MCC: variants seen among roughly 807,000 people sequenced by gnomAD.
MCC encodes the protein MCC regulator of Wnt signaling pathway, also known as colorectal mutant cancer protein.
Under a neutral mutation model 116.2 loss-of-function variants are expected in MCC, and 90 were observed. The observed-to-expected ratio is 0.77, with a 90% CI of 0.65 to 0.92. MCC has a LOEUF of 0.92. Among genes scored for constraint, MCC ranks in the 40% least tolerant of loss-of-function variants. The pLI is 0.00. For synonymous variants in MCC, 578 were observed against 510.5 expected (o/e 1.13, Z -1.78); for missense variants, 1,516 against 1,312.2 (o/e 1.16, Z -2.40).
At chr5:113,178,730 C>T (rs1761462703) in intron 3 of MCC, among the ~76,000 whole-genome samples, 1 of 152,144 alleles carries the variant, frequency 6.6e-6, no homozygotes, top group African/African-American at 2.4e-5. Flanking sequence ...CTTCCACTGT[C>T]AAAGAATAAT....
At chr5:113,147,042 T>C (rs1581157126) in intron 4 of MCC, among the ~76,000 whole-genome samples, 1 of 152,236 alleles carries the variant, frequency 6.6e-6, no homozygotes, top group Non-Finnish European at 1.5e-5. Flanking sequence ...ACATTGGATA[T>C]GACGAAATTT....
intron 3 of MCC, among the ~76,000 whole-genome samples, chr5:113,188,411 G>T (rs921743292): frequency 2.2e-4 from 34 of 152,320 alleles, no homozygotes; most frequent in African/African-American, 8.2e-4. Flanking sequence ...ACAACTCACA[G>T]TTAGAATTTA....
chr5:113,084,290 C>T (rs778993031), intron 9 of MCC, 100 bp from the exon 10 acceptor site: 3 of 903,286 alleles, frequency 3.3e-6, no homozygotes, highest in Non-Finnish European at 5.3e-6. Flanking sequence ...GCCATGTCAA[C>T]TAAATGATTA....
chr5:113,227,169 TAACA>T (rs1763772181), intron 3 of MCC, among the ~76,000 whole-genome samples: 1 of 152,200 alleles, frequency 6.6e-6, no homozygotes, highest in Admixed American at 6.5e-5. Flanking sequence ...CTTAAATGGT[TAACA>T]AAAATTGCCC....
At chr5:113,462,598 C>T (rs1400675387) in intron 1 of MCC, among the ~76,000 whole-genome samples, 1 of 152,124 alleles carries the variant, frequency 6.6e-6, no homozygotes, top group African/African-American at 2.4e-5. Context: ...AGAAAAACCC[C>T]AACAGCAATT....
In MCC at chr5:113,164,141, A is replaced by G. The variant is rs1760647475; in HGVS notation, c.628-12719T>C. 3.3e-5 allele frequency among the ~76,000 whole-genome samples: 5 copies of G among 152,344 alleles called. No homozygotes were observed. In the South Asian group the frequency reaches 1.0e-3, roughly 32 times the overall value. On this transcript the variant is annotated intron_variant, in intron 3 of 18. Coordinates refer to ENST00000408903, the MANE Select transcript of MCC (RefSeq NM_001085377.2). ...GATTTTCCAAATCTAGGAGTTGGAA[A>G]GATCATTAACTGTCCTCTTATCCAA...
intron 11 of MCC, among the ~76,000 whole-genome samples, chr5:113,075,515 C>A (rs1754378105): frequency 6.6e-6 from 1 of 152,212 alleles, no homozygotes; most frequent in South Asian, 2.1e-4. Flanking sequence ...CGGGTGGGGT[C>A]TTGGAGAACT....
intron 3 of MCC, among the ~76,000 whole-genome samples, chr5:113,152,364 CG>C (rs550562881): frequency 1.2e-4 from 18 of 152,066 alleles, no homozygotes; most frequent in Non-Finnish European, 2.2e-4. Context: ...CACCCTGAAA[CG>C]TCCTTTGAAA....
At chr5:113,256,883 G>A (rs1765025308) in intron 3 of MCC, among the ~76,000 whole-genome samples, 1 of 152,142 alleles carries the variant, frequency 6.6e-6, no homozygotes, top group Admixed American at 6.5e-5. Flanking sequence ...GAAAGTGCTA[G>A]TAAAGCAAAA....
At chr5:113,343,278 T>C (rs1255460510) in intron 2 of MCC, among the ~76,000 whole-genome samples, 1 of 152,222 alleles carries the variant, frequency 6.6e-6, no homozygotes, top group Admixed American at 6.5e-5. Context: ...AGTGCCTTTA[T>C]AGCTGGGATG....
At chr5:113,377,829 T>C (rs1769022503) in intron 2 of MCC, among the ~76,000 whole-genome samples, 1 of 152,194 alleles carries the variant, frequency 6.6e-6, no homozygotes, top group South Asian at 2.1e-4. Flanking sequence ...TAAAGGCCTT[T>C]ATAACTCCCA....
intron 14 of MCC, among the ~76,000 whole-genome samples, chr5:113,054,907 C>A (rs1752723852): frequency 6.6e-6 from 1 of 152,338 alleles, no homozygotes; most frequent in South Asian, 2.1e-4. Context: ...CAGCAGTGGG[C>A]AGGCTGCTCC....
At chr5:113,246,164 T>C (rs1279731007) in intron 3 of MCC, among the ~76,000 whole-genome samples, 1 of 152,204 alleles carries the variant, frequency 6.6e-6, no homozygotes, top group Admixed American at 6.5e-5. Context: ...GTAGCCAGAA[T>C]TTCAGGACTC....
At chr5:113,135,744 A>G (rs1561389106) in intron 5 of MCC, among the ~76,000 whole-genome samples, 2 of 151,450 alleles carry the variant, frequency 1.3e-5, no homozygotes, top group Admixed American at 6.6e-5. Context: ...AACTCATCCT[A>G]TATAAAATGA....
intron 3 of MCC, among the ~76,000 whole-genome samples, chr5:113,278,320 A>T (rs1765903580): frequency 6.6e-6 from 1 of 152,190 alleles, no homozygotes. Context: ...AAGGCCATTC[A>T]CTAGAAAGTG....
chr5:113,122,984 C>A (rs1182037212), intron 5 of MCC, among the ~76,000 whole-genome samples, 158 bp from the exon 6 acceptor site: 4 of 152,188 alleles, frequency 2.6e-5, no homozygotes, highest in African/African-American at 7.2e-5. Flanking sequence ...AATAGATAGT[C>A]ACATCTATGC....
intron 2 of MCC, among the ~76,000 whole-genome samples, chr5:113,362,756 T>C (rs1768580174): frequency 1.3e-5 from 2 of 152,136 alleles, no homozygotes; most frequent in Admixed American, 6.5e-5. Flanking sequence ...TGTGGTATAG[T>C]AAAATATATA....
At chr5:113,135,697 G>A (rs892991448) in intron 5 of MCC, among the ~76,000 whole-genome samples, 3 of 151,844 alleles carry the variant, frequency 2.0e-5, no homozygotes, top group Admixed American at 6.6e-5. Context: ...ACCTAGATAC[G>A]TAACCTACCT....
intron 2 of MCC, among the ~76,000 whole-genome samples, chr5:113,343,935 C>T (rs1415428348): frequency 1.3e-5 from 2 of 152,148 alleles, no homozygotes; most frequent in Non-Finnish European, 2.9e-5. Context: ...TTAACAACTA[C>T]CTACACATAA....
Sources: gnomAD v4.1 joint callset for allele counts (sites outside exome capture counted in the v4.1 genomes callset) on GRCh38, gnomAD v4.1.1 for gene constraint, MANE v1.5 for transcripts, NCBI Gene and HGNC (gene_info 2026-07-23, HGNC 2026-07-21) for gene names.